The following PDE3A variants were observed in gnomAD, a reference collection of about 807,000 sequenced individuals.
PDE3A encodes cGMP-inhibited 3',5'-cyclic phosphodiesterase 3A.
PDE3A carries 43 observed loss-of-function variants against 98.3 expected under a neutral mutation model. The ratio of observed to expected loss-of-function variants is 0.44; its 90% CI spans 0.34 to 0.56. The LOEUF (loss-of-function observed/expected upper bound fraction) is 0.56, where lower values mean the gene tolerates loss of function less well. Ranked by LOEUF, PDE3A falls within the 20% of genes least tolerant of loss-of-function variation. The pLI, the probability that PDE3A is intolerant of heterozygous loss-of-function variation, is 0.01. For missense variants in PDE3A, 1,427 were observed against 1,440.7 expected (o/e 0.99, Z 0.15); for synonymous variants, 663 against 567.9 (o/e 1.17, Z -2.38).
rs151078962 is a variant in PDE3A, at chr12:20,401,663, G to T, written c.960+31419G>T. Among the ~76,000 whole-genome samples, 14 of 152,240 alleles carry T rather than the reference G, an allele frequency of 9.2e-5. No individual in the cohort carries two copies. In the East Asian group the frequency reaches 2.7e-3, roughly 29 times the overall value. On this transcript the variant is annotated intron_variant, in intron 1 of 15. Transcript: ENST00000359062. ...CTACCTGCTTCACGATGTGTTTTCT[G>T]ATCATCCCCGTTGGAAGCTCTTTCT...
chr12:20,502,269 T>G (rs764543468), intron 1 of PDE3A, among the ~76,000 whole-genome samples: 1 of 152,142 alleles, frequency 6.6e-6, no homozygotes, highest in Non-Finnish European at 1.5e-5. Flanking sequence ...CCAACTTCTT[T>G]TTATTATCTA....
intron 1 of PDE3A, among the ~76,000 whole-genome samples, chr12:20,441,299 T>C (rs1443959052): frequency 2.0e-5 from 3 of 152,088 alleles, no homozygotes; most frequent in Non-Finnish European, 4.4e-5. Flanking sequence ...GTGGAGCAGA[T>C]AGTCATTGAG....
intron 1 of PDE3A, among the ~76,000 whole-genome samples, chr12:20,468,599 C>T (rs914432953): frequency 1.3e-5 from 2 of 152,164 alleles, no homozygotes; most frequent in East Asian, 3.9e-4. Context: ...TGTGCTTCCC[C>T]TTCTATACAC....
At position 20,621,352 on chromosome 12, in the gene PDE3A, C is replaced by T. The variant is rs1944132252; in HGVS notation, c.1481C>T (p.Thr494Ile). 1 of 1,612,474 alleles carries T rather than the reference C, an allele frequency of 6.2e-7. No individual in the cohort carries two copies. Among genetic ancestry groups the T allele is most frequent in the Non-Finnish European group, 8.5e-7 (1 of 1,178,816 alleles). Residue 494 changes from threonine (T) to isoleucine (I), a missense_variant, in exon 5 of 16, where the codon ACT (threonine) becomes ATT (isoleucine). By Grantham distance (89) the Thr-to-Ile change is moderately conservative. This residue lies in a region of PDE3A where 1,012 missense variants were observed against 886.5 expected (regional missense o/e 1.14). Transcript: ENST00000359062. ...MMTLTKSRSF[T>I]SSYAISAANH... ...ACCCTCACCAAAAGCAGATCCTTTA[C>T]TTCATCCTATGCTATTTCTGCAGCT... is the stretch of plus-strand genomic sequence containing the variant.
chr12:20,679,862 C>T (rs576380821), intron 15 of PDE3A, among the ~76,000 whole-genome samples, 168 bp from the exon 16 acceptor site: 1 of 116,296 alleles, frequency 8.6e-6, no homozygotes, highest in Non-Finnish European at 1.7e-5. Flanking sequence ...TTATAATATA[C>T]AGTATTATAA....
chr12:20,680,177 A>T lies in PDE3A; in HGVS notation c.3332A>T (p.His1111Leu). Residue 1111 changes from histidine to leucine, a missense_variant, in exon 16 of 16, where the codon CAC becomes CTC. By Grantham distance (99) the His-to-Leu change is moderately conservative. Around this residue, in one of 3 missense-constraint regions of PDE3A, gnomAD observed 142 missense variants for 133.9 expected, o/e 1.06. Coordinates refer to ENST00000359062, the MANE Select transcript of PDE3A (RefSeq NM_000921.5). ...TCCCTGGACCAGACCCCTCAGTCGCACTCTTCAGAACAGATCCAGGCTATC... is the reference window on the plus strand; with the variant it reads ...TCCCTGGACCAGACCCCTCAGTCGCTCTCTTCAGAACAGATCCAGGCTATC... The part of the protein sequence containing the change: ...NQSLDQTPQS[H>L]SSEQIQAIKE... 6.2e-7 allele frequency: 1 copy of T among 1,613,802 alleles called. No individual in the cohort carries two copies.
At chr12:20,392,582 A>G (rs573660878) in intron 1 of PDE3A, among the ~76,000 whole-genome samples, 41 of 151,904 alleles carry the variant, frequency 2.7e-4, no homozygotes, top group Non-Finnish European at 5.3e-4. Context: ...ATTATGGAAA[A>G]CAGTATGGAG....
At chr12:20,667,169 G>A (rs188944478) in intron 15 of PDE3A, among the ~76,000 whole-genome samples, 1 of 151,974 alleles carries the variant, frequency 6.6e-6, no homozygotes, top group East Asian at 1.9e-4. Context: ...TGTATATTCT[G>A]GATATTAGTT....
chr12:20,640,485 A>G (rs1440721015), intron 10 of PDE3A, among the ~76,000 whole-genome samples: 1 of 152,124 alleles, frequency 6.6e-6, no homozygotes. Context: ...CAGGAGGATG[A>G]TGGTCTGATG....
chr12:20,395,815 C>A (rs189153980), intron 1 of PDE3A, among the ~76,000 whole-genome samples: 408 of 151,026 alleles, frequency 2.7e-3, no homozygotes, highest in African/African-American at 9.5e-3. Context: ...GTTAAAAATG[C>A]CAAATTATTA....
intron 9 of PDE3A, among the ~76,000 whole-genome samples, chr12:20,637,812 CTTGTT>C (rs1377042996): frequency 6.6e-6 from 1 of 152,042 alleles, no homozygotes; most frequent in African/African-American, 2.4e-5. Context: ...TAAATAATTA[CTTGTT>C]TTGCTGAAGA....
rs955399397 is a variant in PDE3A at position 20,681,719 on chromosome 12, CTTTTT to C, written c.*1453_*1457del. ...TGAAGATTGGGTTATTATTGAAAGTCTTTTTTTTTGTTTGTTTTGTTTTGGTTTGT... is the reference window on the plus strand; with the variant it reads ...TGAAGATTGGGTTATTATTGAAAGTCTTTTGTTTGTTTTGTTTTGGTTTGT... On this transcript the variant is annotated 3_prime_UTR_variant, in exon 16 of 16. Transcript: ENST00000359062. 6.6e-6 allele frequency: 1 copy of C among 150,826 alleles called. No individual in the cohort carries two copies. Among genetic ancestry groups the C allele is most frequent in the African/African-American group, 2.4e-5 (1 of 41,036 alleles). 9.3% of individuals were successfully genotyped at this position (150,826 alleles called of 1,614,324 possible).
chr12:20,665,473 T>A (rs1945285094), intron 15 of PDE3A, among the ~76,000 whole-genome samples: 1 of 152,232 alleles, frequency 6.6e-6, no homozygotes, highest in African/African-American at 2.4e-5. Flanking sequence ...TGTATTTCTT[T>A]TTTAAATGCA....
intron 1 of PDE3A, among the ~76,000 whole-genome samples, chr12:20,372,252 C>A (rs775453993): frequency 1.3e-5 from 2 of 152,018 alleles, no homozygotes; most frequent in Non-Finnish European, 1.5e-5. Context: ...AATGCATAAT[C>A]GCAATCTATT....
At chr12:20,377,725 A>G (rs968268410) in intron 1 of PDE3A, among the ~76,000 whole-genome samples, 1 of 151,694 alleles carries the variant, frequency 6.6e-6, no homozygotes, top group African/African-American at 2.4e-5. Context: ...TATTGCATTT[A>G]TTTTAAAATA....
At chr12:20,378,917 G>T (rs1015007477) in intron 1 of PDE3A, among the ~76,000 whole-genome samples, 5 of 151,100 alleles carry the variant, frequency 3.3e-5, no homozygotes, top group Non-Finnish European at 5.9e-5. Context: ...TTCTCCCTCC[G>T]AATGTGTTTA....
At chr12:20,676,779 G>A (rs1054631008) in intron 15 of PDE3A, among the ~76,000 whole-genome samples, 2 of 152,124 alleles carry the variant, frequency 1.3e-5, no homozygotes, top group South Asian at 2.1e-4. Context: ...GATTACAGGC[G>A]TGAGCCACCG....
chr12:20,653,814 G>A (rs1475007126), intron 14 of PDE3A, 133 bp from the exon 15 acceptor site: 2 of 902,082 alleles, frequency 2.2e-6, no homozygotes, highest in Non-Finnish European at 3.4e-6. Context: ...TGTTTCTATA[G>A]GAACCTTAGC....
chr12:20,584,890 CCT>C (rs1943154633), intron 2 of PDE3A, among the ~76,000 whole-genome samples: 1 of 152,064 alleles, frequency 6.6e-6, no homozygotes, highest in African/African-American at 2.4e-5. Context: ...TCTCTTGATT[CCT>C]CTGTTATTAA....
Sources: gnomAD v4.1 joint callset for allele counts (sites outside exome capture counted in the v4.1 genomes callset) on GRCh38, gnomAD v4.1.1 for gene constraint, gnomAD v4.1.1 regional missense constraint, MANE v1.5 for transcripts, NCBI Gene and HGNC (gene_info 2026-07-23, HGNC 2026-07-21) for gene names.